SNTG1: variants seen among roughly 807,000 people sequenced by gnomAD.
SNTG1 encodes the protein syntrophin gamma 1.
SNTG1 carries 39 observed loss-of-function variants against 74.7 expected under a neutral mutation model. The ratio of observed to expected loss-of-function variants is 0.52; its 90% CI spans 0.40 to 0.68. The LOEUF (loss-of-function observed/expected upper bound fraction) is 0.68, where lower values mean the gene tolerates loss of function less well. Among genes scored for constraint, SNTG1 ranks in the 30% least tolerant of loss-of-function variants. The pLI, the probability that SNTG1 is intolerant of heterozygous loss-of-function variation, is 0.00. For synonymous variants in SNTG1, 254 were observed against 217.1 expected (o/e 1.17, Z -1.49); for missense variants, 685 against 609.5 (o/e 1.12, Z -1.30).
rs571673904 is a variant in SNTG1 at position 50,124,247 on chromosome 8, G to A, written c.-102-48314G>A. On this transcript the variant is annotated intron_variant, in intron 1 of 18. Coordinates refer to ENST00000642720, the MANE Select transcript of SNTG1 (RefSeq NM_018967.5). ...GGAGAAAATGGCCATTTGCAAGCCC[G>A]TGAGAAAGGCTTTGGGAGAAACCAA... Among the ~76,000 whole-genome samples, 23 of 141,788 alleles carry A rather than the reference G, an allele frequency of 1.6e-4. 3 individuals carry two copies. The highest frequency in any genetic ancestry group is 4.1e-4 in the African/African-American group (16 of 39,166). 93.0% of individuals were successfully genotyped at this position (141,788 alleles called of 152,430 possible). A position where few individuals can be genotyped will look rare whatever the true frequency, so the allele number is the denominator to read the frequency against.
chr8:50,516,773 C>G (rs1452894892), intron 9 of SNTG1, among the ~76,000 whole-genome samples: 1 of 152,084 alleles, frequency 6.6e-6, no homozygotes, highest in Non-Finnish European at 1.5e-5. Context: ...TGAACAAAGT[C>G]TTCAAGAAAT....
chr8:50,350,253 C>G (rs1216212331), intron 2 of SNTG1, among the ~76,000 whole-genome samples: 2 of 152,136 alleles, frequency 1.3e-5, no homozygotes, highest in Non-Finnish European at 2.9e-5. Context: ...GTGCCGCCCC[C>G]TGCTCCACCG....
chr8:49,938,555 T>C (rs1808304868), intron 1 of SNTG1, among the ~76,000 whole-genome samples: 1 of 41,572 alleles, frequency 2.4e-5, no homozygotes, highest in Non-Finnish European at 4.4e-5. Context: ...TTCTTTTCTT[T>C]TGTTTTCTTT....
At chr8:50,656,782 A>T in intron 13 of SNTG1, 127 bp from the exon 14 acceptor site, 2 of 626,676 alleles carry the variant, frequency 3.2e-6, no homozygotes, top group Admixed American at 6.4e-5. Flanking sequence ...TGATAATTTT[A>T]TGTGAGTTTT....
At chr8:50,135,698 T>C (rs2081450198) in intron 1 of SNTG1, among the ~76,000 whole-genome samples, 1 of 152,246 alleles carries the variant, frequency 6.6e-6, no homozygotes, top group African/African-American at 2.4e-5. Context: ...GTGGAATATT[T>C]ATGCTGCATC....
Position 50,035,950 on chromosome 8 carries a change from TCTCA to T in SNTG1, c.-103+123720_-103+123723del, listed in dbSNP as rs141682531. The stretch of plus-strand genomic sequence containing the variant: ...GGTGAAGGCCAGGTTTGGGTTCATT[TCTCA>T]GATCATGTGAGAAAAAAAGCAAGGG... On this transcript the variant is annotated intron_variant, in intron 1 of 18. Transcript: ENST00000642720. Among the ~76,000 whole-genome samples the T allele has an allele frequency of 3.5e-3, 537 of 152,156 alleles. 4 individuals are homozygous for T. The highest frequency in any genetic ancestry group is 0.012 in the African/African-American group (518 of 41,510).
chr8:50,491,958 T>G (rs1247892612), intron 8 of SNTG1, among the ~76,000 whole-genome samples: 1 of 137,620 alleles, frequency 7.3e-6, no homozygotes, highest in East Asian at 2.5e-4. Flanking sequence ...ACTGTTCAAC[T>G]CCCACTTATG....
rs185614265 is a variant in SNTG1 at position 50,416,842 on chromosome 8, C to T, written c.162+14498C>T. Among the ~76,000 whole-genome samples, 8 of 137,440 alleles carry T rather than the reference C, an allele frequency of 5.8e-5. No individual in the cohort carries two copies. The East Asian group carries it at 1.7e-3, about 30-fold the overall frequency. The allele number at this position is 137,440 out of a possible 152,430, so 90.2% of individuals were successfully genotyped here. On this transcript the variant is annotated intron_variant, in intron 4 of 18. Coordinates refer to ENST00000642720, the MANE Select transcript of SNTG1 (RefSeq NM_018967.5). Reference sequence around the variant, plus strand: ...GAACTCTATGTCATGGATCCCATTACCCTGCATTAGAGCAATGGAGTCAAG... The same window carrying T: ...GAACTCTATGTCATGGATCCCATTATCCTGCATTAGAGCAATGGAGTCAAG...
chr8:50,687,342 C>A (rs1585530816), intron 15 of SNTG1, among the ~76,000 whole-genome samples: 2 of 152,014 alleles, frequency 1.3e-5, no homozygotes, highest in Admixed American at 6.6e-5. Context: ...GAATTAAATT[C>A]TCCAATAAAT....
At chr8:49,916,252 A>G (rs1017884896) in intron 1 of SNTG1, among the ~76,000 whole-genome samples, 1 of 152,108 alleles carries the variant, frequency 6.6e-6, no homozygotes, top group East Asian at 1.9e-4. Context: ...AAAAGAACTG[A>G]GAGTAAGAGG....
At chr8:49,964,057 G>A (rs1405892934) in intron 1 of SNTG1, among the ~76,000 whole-genome samples, 2 of 152,150 alleles carry the variant, frequency 1.3e-5, no homozygotes, top group Non-Finnish European at 2.9e-5. Context: ...GTTTATAGTA[G>A]GCACTCAGTG....
chr8:50,725,883 A>G (rs377228494), intron 17 of SNTG1, among the ~76,000 whole-genome samples: 3 of 152,208 alleles, frequency 2.0e-5, no homozygotes, highest in East Asian at 3.9e-4. Context: ...GATGCTGCTG[A>G]ATTACAGAGG....
intron 18 of SNTG1, among the ~76,000 whole-genome samples, chr8:50,780,829 T>C (rs1489608109): frequency 6.6e-6 from 1 of 152,222 alleles, no homozygotes; most frequent in Non-Finnish European, 1.5e-5. Context: ...CTGCTTTCTC[T>C]TGTGGGCATT....
chr8:50,294,922 C>T (rs952056512), intron 2 of SNTG1, among the ~76,000 whole-genome samples: 2 of 152,078 alleles, frequency 1.3e-5, no homozygotes, highest in Non-Finnish European at 2.9e-5. Flanking sequence ...TCACCAGAGC[C>T]GGACAACGAG....
At chr8:50,704,529 C>T in intron 15 of SNTG1, 71 bp from the exon 16 acceptor site, 1 of 1,597,316 alleles carries the variant, frequency 6.3e-7, no homozygotes, top group Non-Finnish European at 8.6e-7. Context: ...CACCTTGGTC[C>T]AGTCAGGAAT....
chr8:50,506,046 C>A (rs1463344142), intron 9 of SNTG1, among the ~76,000 whole-genome samples: 1 of 151,886 alleles, frequency 6.6e-6, no homozygotes, highest in East Asian at 1.9e-4. Context: ...AAGGTAAGTG[C>A]CCAACATTCT....
At chr8:50,607,543 T>C (rs777864873) in intron 13 of SNTG1, among the ~76,000 whole-genome samples, 1 of 151,740 alleles carries the variant, frequency 6.6e-6, no homozygotes, top group Non-Finnish European at 1.5e-5. Context: ...CGTTTCTTCT[T>C]GCTTTTCAAT....
intron 1 of SNTG1, among the ~76,000 whole-genome samples, chr8:50,155,345 G>A (rs1440138180): frequency 6.6e-6 from 1 of 152,020 alleles, no homozygotes; most frequent in Non-Finnish European, 1.5e-5. Context: ...AAAACAACTG[G>A]TAGTAGAACA....
intron 15 of SNTG1, among the ~76,000 whole-genome samples, chr8:50,703,210 T>A (rs2095432062): frequency 6.6e-6 from 1 of 152,226 alleles, no homozygotes; most frequent in African/African-American, 2.4e-5. Context: ...TTTGTAGAAG[T>A]GCTTAGCTTA....
Sources: allele counts gnomAD v4.1 joint callset (sites outside exome capture counted in the v4.1 genomes callset), GRCh38; gene constraint gnomAD v4.1.1; transcripts MANE v1.5; gene names NCBI Gene and HGNC (gene_info 2026-07-23, HGNC 2026-07-21).